Variants in INVS observed in about 807,000 individuals in gnomAD.
INVS encodes inversin.
A neutral mutation model predicts 108.8 loss-of-function variants in INVS; 86 were observed. The observed-to-expected ratio is 0.79, with a 90% CI of 0.66 to 0.95. The LOEUF (loss-of-function observed/expected upper bound fraction) is 0.95. Among genes scored for constraint, INVS ranks in the 40% least tolerant of loss-of-function variants. The probability of loss-of-function intolerance (pLI) is 0.00; values close to 1 mark genes in which losing one functional copy is unlikely to be tolerated. For synonymous variants in INVS, 455 were observed against 473.5 expected (o/e 0.96, Z 0.51); for missense variants, 1,169 against 1,297.4 (o/e 0.90, Z 1.52).
intron 3 of INVS, among the ~76,000 whole-genome samples, chr9:100,160,556 C>T (rs1029494289): frequency 6.6e-6 from 1 of 152,164 alleles, no homozygotes; most frequent in African/African-American, 2.4e-5. Flanking sequence ...TTCTACTTCA[C>T]TTCCATAAGG....
chr9:100,222,632 C>T (rs1831187616), intron 3 of INVS, among the ~76,000 whole-genome samples: 1 of 152,172 alleles, frequency 6.6e-6, no homozygotes, highest in Non-Finnish European at 1.5e-5. Context: ...GTTACCCCCA[C>T]CAACATATAC....
intron 5 of INVS, among the ~76,000 whole-genome samples, chr9:100,234,147 T>C (rs1831603916): frequency 6.6e-6 from 1 of 152,228 alleles, no homozygotes; most frequent in Non-Finnish European, 1.5e-5. Context: ...GATTTTCCAG[T>C]TTATTTGCAT....
intron 3 of INVS, among the ~76,000 whole-genome samples, chr9:100,187,708 G>A (rs1487264669): frequency 6.6e-6 from 1 of 151,766 alleles, no homozygotes; most frequent in Non-Finnish European, 1.5e-5. Context: ...TGTATTTTTA[G>A]TACGGATGAG....
intron 3 of INVS, chr9:100,175,582 T>C: frequency 1.4e-6 from 1 of 707,770 alleles, no homozygotes; most frequent in Non-Finnish European, 2.7e-6. Context: ...AACCAGAGAA[T>C]AAAATATAAG....
chr9:100,143,533 T>C (rs1409210792), intron 3 of INVS, among the ~76,000 whole-genome samples: 1 of 151,756 alleles, frequency 6.6e-6, no homozygotes, highest in Non-Finnish European at 1.5e-5. Flanking sequence ...GTCTTATACT[T>C]GTGGGTTAAG....
At chr9:100,193,979 G>A (rs1180963009) in intron 3 of INVS, among the ~76,000 whole-genome samples, 2 of 152,214 alleles carry the variant, frequency 1.3e-5, no homozygotes, top group Non-Finnish European at 2.9e-5. Context: ...CCATTTGCCT[G>A]TTGGTGAACA....
At chr9:100,197,343 C>T (rs985229396) in intron 3 of INVS, among the ~76,000 whole-genome samples, 3 of 152,082 alleles carry the variant, frequency 2.0e-5, no homozygotes, top group Non-Finnish European at 4.4e-5. Flanking sequence ...GAGGTTGAGG[C>T]GAGAGGATCC....
At chr9:100,293,819 T>C (rs903222256) in intron 14 of INVS, among the ~76,000 whole-genome samples, 2 of 152,162 alleles carry the variant, frequency 1.3e-5, no homozygotes, top group African/African-American at 4.8e-5. Flanking sequence ...TAAATCTAAA[T>C]TAGGCCTTAC....
At chr9:100,189,673 T>G (rs1211884820) in intron 3 of INVS, among the ~76,000 whole-genome samples, 2 of 152,208 alleles carry the variant, frequency 1.3e-5, no homozygotes, top group African/African-American at 4.8e-5. Flanking sequence ...CTTATTTTGT[T>G]GCCTATCATG....
intron 11 of INVS, among the ~76,000 whole-genome samples, chr9:100,270,663 G>A (rs1333181689): frequency 1.3e-5 from 2 of 148,952 alleles, no homozygotes; most frequent in East Asian, 2.0e-4. Context: ...TGGGAGAATT[G>A]CTTGAACCTG....
chr9:100,240,327 C>T (rs1831826794), intron 6 of INVS, 87 bp downstream of exon 6: 1 of 939,758 alleles, frequency 1.1e-6, no homozygotes, highest in South Asian at 1.3e-5. Context: ...TTACTCCCAA[C>T]TCCTAGTTAA....
At chr9:100,203,684 G>A (rs922289000) in intron 3 of INVS, among the ~76,000 whole-genome samples, 4 of 151,800 alleles carry the variant, frequency 2.6e-5, no homozygotes, top group African/African-American at 7.3e-5. Context: ...TGTATTTTTA[G>A]TAGAGACAGG....
chr9:100,225,343 C>T (rs554897621), intron 3 of INVS, among the ~76,000 whole-genome samples: 49 of 150,584 alleles, frequency 3.3e-4, no homozygotes, highest in African/African-American at 1.1e-3. Context: ...CCACCACGCC[C>T]GGCCCTGGGA....
Position 100,302,004 on chromosome 9 carries a change from C to T in INVS, c.*1330C>T, listed in dbSNP as rs534321399. On this transcript the variant is annotated 3_prime_UTR_variant, in exon 17 of 17. Transcript: ENST00000262457. The stretch of plus-strand genomic sequence containing the variant: ...TATGACCATGTATCGTGTGCTAGTC[C>T]GGGAAGCCAGCCTACACATCAATAG... 9 of 461,778 alleles carry T rather than the reference C, an allele frequency of 1.9e-5. No homozygotes were observed. The highest frequency in any genetic ancestry group is 1.7e-4 in the South Asian group (3 of 17,248). 28.6% of individuals were successfully genotyped at this position (461,778 alleles called of 1,614,324 possible). A position where few individuals can be genotyped will look rare whatever the true frequency, so the allele number is the denominator to read the frequency against.
chr9:100,244,828 A>C (rs566119682), intron 7 of INVS, among the ~76,000 whole-genome samples: 8 of 152,344 alleles, frequency 5.3e-5, no homozygotes, highest in African/African-American at 1.7e-4. Flanking sequence ...TAGTAAAAGA[A>C]AACAAAGCAA....
intron 3 of INVS, among the ~76,000 whole-genome samples, chr9:100,193,209 G>A (rs1830277046): frequency 6.6e-6 from 1 of 151,942 alleles, no homozygotes; most frequent in South Asian, 2.1e-4. Context: ...TATACTGCTG[G>A]CCATGAACAA....
chr9:100,288,515 G>A (rs576734152), intron 13 of INVS, among the ~76,000 whole-genome samples: 73 of 152,174 alleles, frequency 4.8e-4, no homozygotes, highest in Admixed American at 8.5e-4. Flanking sequence ...TTAGATTTCT[G>A]TGGGAAAATG....
intron 2 of INVS, among the ~76,000 whole-genome samples, chr9:100,114,088 T>A (rs1006641966): frequency 6.6e-6 from 1 of 152,216 alleles, no homozygotes; most frequent in Non-Finnish European, 1.5e-5. Context: ...TTGTAGTTAT[T>A]GTTTTTAACT....
At chr9:100,269,521 G>A (rs1196903712) in intron 11 of INVS, among the ~76,000 whole-genome samples, 2 of 152,086 alleles carry the variant, frequency 1.3e-5, no homozygotes, top group African/African-American at 2.4e-5. Context: ...AGTGTTTGGG[G>A]TTTCTTCCCA....
Sources: gnomAD v4.1 joint callset for allele counts (sites outside exome capture counted in the v4.1 genomes callset) on GRCh38, gnomAD v4.1.1 for gene constraint, MANE v1.5 for transcripts, NCBI Gene and HGNC (gene_info 2026-07-23, HGNC 2026-07-21) for gene names.